KTN1: variants seen among roughly 807,000 people sequenced by gnomAD.
KTN1 encodes kinectin 1, also known as kinectin.
In KTN1, 130 loss-of-function variants were observed where a neutral mutation model predicts 222.5. The observed-to-expected ratio is 0.58, with a 90% confidence interval of 0.51 to 0.68. The LOEUF is 0.68. Among genes scored for constraint, KTN1 ranks in the 30% least tolerant of loss-of-function variants. KTN1 has a pLI of 0.00. For synonymous variants in KTN1, 512 were observed against 496.3 expected (o/e 1.03, Z -0.42); for missense variants, 1,508 against 1,500.4 (o/e 1.01, Z -0.08).
chr14:55,673,651 T>C (rs76164147), intron 40 of KTN1: 9,500 of 156,400 alleles, frequency 0.061, 398 homozygotes, highest in South Asian at 0.089. Flanking sequence ...GAAGATTATA[T>C]TGAAAGTCAA....
chr14:55,650,740 G>A (rs577307689), intron 24 of KTN1, 103 bp downstream of exon 24: 3 of 737,574 alleles, frequency 4.1e-6, no homozygotes, highest in African/African-American at 1.8e-5. Context: ...GTATGCTGTA[G>A]GTATATTGGG....
chr14:55,580,719 G>A (rs1436359820), intron 1 of KTN1, among the ~76,000 whole-genome samples: 7 of 152,134 alleles, frequency 4.6e-5, no homozygotes, highest in Non-Finnish European at 8.8e-5. Flanking sequence ...TGGGGTGACC[G>A]AGGCACCTAT....
At chr14:55,677,344 G>GTGC (rs1220431320) in intron 41 of KTN1, among the ~76,000 whole-genome samples, 1 of 151,938 alleles carries the variant, frequency 6.6e-6, no homozygotes, top group Non-Finnish European at 1.5e-5. Context: ...GGGTGTGGTG[G>GTGC]TGCGCACCTG....
chr14:55,650,711 G>T, intron 24 of KTN1, 74 bp downstream of exon 24: 1 of 1,171,890 alleles, frequency 8.5e-7, no homozygotes, highest in Non-Finnish European at 1.3e-6. Flanking sequence ...TTTTTTTCTT[G>T]TTACTCAGAA....
At chr14:55,680,312 T>C (rs1294874141) in intron 43 of KTN1, 2 of 173,832 alleles carry the variant, frequency 1.2e-5, no homozygotes, top group African/African-American at 4.8e-5. Flanking sequence ...TTGGTAGCAT[T>C]TTAAAATGAC....
rs899395389 is a variant in KTN1 at position 55,653,597 on chromosome 14, G to T, written c.2801+1G>T. The T allele has an allele frequency of 6.2e-7, 1 of 1,607,142 alleles. No individual in the cohort carries two copies. Among genetic ancestry groups the T allele is most frequent in the African/African-American group, 1.3e-5 (1 of 74,842 alleles). ...CACAGTTTGAAGAACTTGAGATTGT[G>T]TAAGTATGCTTTAAGACCACATTTT... On this transcript the variant is annotated splice_donor_variant, in intron 28 of 43. Coordinates refer to ENST00000395314, the MANE Select transcript of KTN1 (RefSeq NM_001079521.2). LOFTEE classifies it high-confidence loss of function.
chr14:55,652,152 T>A (rs1376186643), intron 25 of KTN1, among the ~76,000 whole-genome samples: 1 of 152,184 alleles, frequency 6.6e-6, no homozygotes, highest in Non-Finnish European at 1.5e-5. Flanking sequence ...ATAATCTGAA[T>A]ATAACCTCAA....
Position 55,680,765 on chromosome 14 carries a change from T to G in KTN1, c.4069+1080T>G. On this transcript the variant is annotated intron_variant, in intron 43 of 43. Transcript: ENST00000395314. ...AGGTCAGTTATCTCTAACATGACTT[T>G]CCATATAATAAGCCCAGCTCATTCT... The G allele has an allele frequency of 2.4e-6, 3 of 1,257,390 alleles. No homozygotes were observed. The South Asian group carries it at 3.5e-5, about 15-fold the overall frequency. 77.9% of individuals were successfully genotyped at this position (1,257,390 alleles called of 1,614,324 possible).
At chr14:55,627,177 CAGG>C (rs1445011639) in intron 5 of KTN1, among the ~76,000 whole-genome samples, 4 of 152,122 alleles carry the variant, frequency 2.6e-5, no homozygotes, top group African/African-American at 9.7e-5. Flanking sequence ...TTTGATCTAG[CAGG>C]AGAAGGAGGA....
At chr14:55,610,625 A>G (rs1183808952) in intron 1 of KTN1, among the ~76,000 whole-genome samples, 1 of 152,240 alleles carries the variant, frequency 6.6e-6, no homozygotes, top group East Asian at 1.9e-4. Context: ...GTAGCAATTA[A>G]CTTTAATTTG....
chr14:55,679,932 A>G (rs1183627656), intron 43 of KTN1: 2 of 435,804 alleles, frequency 4.6e-6, no homozygotes, highest in Non-Finnish European at 8.0e-6. Flanking sequence ...CTCTCTTGTA[A>G]CTTGGCTGCC....
At chr14:55,650,666 G>T in intron 24 of KTN1, 29 bp downstream of exon 24, 1 of 1,506,934 alleles carries the variant, frequency 6.6e-7, no homozygotes, top group Non-Finnish European at 9.1e-7. Flanking sequence ...TAGCATGACA[G>T]ATTTATTAGT....
Position 55,663,940 on chromosome 14 carries a change from T to C in KTN1, c.3091-15T>C, listed in dbSNP as rs746064781. ...TAATGGATAAACTGAAATCATTCTT[T>C]CTAAAAATGATTAGGACCTTCGGGA... is the stretch of plus-strand genomic sequence containing the variant. On this transcript the variant is annotated splice_polypyrimidine_tract_variant and intron_variant, in intron 32 of 43. Coordinates refer to ENST00000395314, the MANE Select transcript of KTN1 (RefSeq NM_001079521.2). 3.2e-6 allele frequency: 5 copies of C among 1,580,694 alleles called. No individual in the cohort carries two copies. Among genetic ancestry groups the C allele is most frequent in the Non-Finnish European group, 2.6e-6 (3 of 1,151,514 alleles).
rs74053646 is a variant in KTN1, at chr14:55,648,939, T to A, written c.2367+69T>A. 7,867 of 1,102,918 alleles carry A rather than the reference T, an allele frequency of 7.1e-3. 256 individuals are homozygous for A. The African/African-American group carries it at 0.081, about 11-fold the overall frequency. The allele number at this position is 1,102,918 out of a possible 1,614,324, so 68.3% of individuals were successfully genotyped here. A position where few individuals can be genotyped will look rare whatever the true frequency, so the allele number is the denominator to read the frequency against. On this transcript the variant is annotated intron_variant, in intron 21 of 43. Transcript: ENST00000395314. ...GTTTGTTTGTTTGTTGTTTTTAAAT[T>A]AAAAGAAACGGGGTCTTGCTCTTTT...
chr14:55,652,760 C>T (rs190079874), intron 25 of KTN1, 90 bp from the exon 26 acceptor site: 6 of 812,918 alleles, frequency 7.4e-6, no homozygotes, highest in East Asian at 2.6e-5. Flanking sequence ...GTGAGTACTA[C>T]CCAAAATATA....
In KTN1 at chr14:55,628,011, T is replaced by C. The variant is rs1416400130; in HGVS notation, c.1063T>C (p.Cys355Arg). ...AGATGCTGCTGCTACAAAGGATCGG[T>C]GTAAGCAGTTAACCCAGGTGAAGAC... The part of the protein sequence containing the change: ...KEDAAATKDR[C>R]KQLTQEMMTE... Residue 355 changes from cysteine (C) to arginine (R), a missense_variant, in exon 6 of 44, where the codon TGT (cysteine) becomes CGT (arginine). Transcript: ENST00000395314. 2 of 1,610,990 alleles carry C rather than the reference T, an allele frequency of 1.2e-6. No individual in the cohort carries two copies. Among genetic ancestry groups the C allele is most frequent in the Non-Finnish European group, 1.7e-6 (2 of 1,177,260 alleles).
intron 5 of KTN1, among the ~76,000 whole-genome samples, chr14:55,624,609 G>T (rs373681726): frequency 1.3e-5 from 2 of 152,320 alleles, no homozygotes; most frequent in East Asian, 1.9e-4. Context: ...ACTATCAACA[G>T]TACATATGGT....
chr14:55,648,520 G>A (rs1293504786), intron 20 of KTN1, among the ~76,000 whole-genome samples: 3 of 152,186 alleles, frequency 2.0e-5, no homozygotes, highest in Admixed American at 2.0e-4. Context: ...TGTAGGGAGA[G>A]GAGTAGCTTA....
intron 9 of KTN1, among the ~76,000 whole-genome samples, chr14:55,634,865 G>A (rs575780544): frequency 1.3e-5 from 2 of 152,162 alleles, no homozygotes; most frequent in South Asian, 2.1e-4. Context: ...TCTTCTTCAC[G>A]AAGCAGCAGG....
Sources: allele counts gnomAD v4.1 joint callset (sites outside exome capture counted in the v4.1 genomes callset), GRCh38; gene constraint gnomAD v4.1.1; transcripts MANE v1.5; gene names NCBI Gene and HGNC (gene_info 2026-07-23, HGNC 2026-07-21).